The following EDA variants were observed in gnomAD, a reference collection of about 807,000 sequenced individuals.
EDA encodes ectodysplasin A, also known as ectodysplasin-A.
In EDA, 2 loss-of-function variants were observed where a neutral mutation model predicts 23.6. That is an observed-to-expected ratio of 0.08 (90% CI 0.03 to 0.27). EDA has a LOEUF of 0.27. EDA is among the 10% of genes least tolerant of loss of function. EDA has a pLI of 1.00. For missense variants in EDA, 229 were observed against 324.2 expected (o/e 0.71, Z 2.26); for synonymous variants, 131 against 132.0 (o/e 0.99, Z 0.05).
At chrX:69,744,471 G>A (rs1177455708) in intron 1 of EDA, among the ~76,000 whole-genome samples, 1 of 111,996 alleles carries the variant, frequency 8.9e-6, no homozygotes, top group African/African-American at 3.2e-5. Flanking sequence ...TAAATGCAAA[G>A]CTCTACTACT....
At chrX:70,032,025 G>A (rs771427667) in intron 6 of EDA, among the ~76,000 whole-genome samples, 19 of 111,409 alleles carry the variant, frequency 1.7e-4, no homozygotes, top group African/African-American at 5.6e-4. Context: ...TTGGGAGGCC[G>A]AGGCTGGCGG....
At chrX:69,663,960 T>A (rs926915105) in intron 1 of EDA, among the ~76,000 whole-genome samples, 1 of 112,335 alleles carries the variant, frequency 8.9e-6, no homozygotes, top group African/African-American at 3.2e-5. Flanking sequence ...TTGGAATGAG[T>A]ATATTTACCC....
intron 1 of EDA, among the ~76,000 whole-genome samples, chrX:69,633,901 A>G (rs1442766681): frequency 1.8e-5 from 2 of 112,097 alleles, no homozygotes; most frequent in Admixed American, 9.4e-5. Flanking sequence ...GCTGGGTCCT[A>G]TGTTAATTCT....
intron 1 of EDA, among the ~76,000 whole-genome samples, chrX:69,721,776 T>G (rs1056250852): frequency 9.0e-6 from 1 of 111,659 alleles, no homozygotes; most frequent in Non-Finnish European, 1.9e-5. Context: ...CTAAACCAAC[T>G]CATCTTCTTG....
chrX:69,858,287 G>C (rs2017302569), intron 1 of EDA, among the ~76,000 whole-genome samples: 1 of 111,705 alleles, frequency 9.0e-6, no homozygotes, highest in Admixed American at 9.5e-5. Flanking sequence ...AGTCAAGAGA[G>C]GGCATCCTTG....
chrX:69,981,605 G>A (rs1650066316), intron 2 of EDA, among the ~76,000 whole-genome samples: 1 of 111,640 alleles, frequency 9.0e-6, no homozygotes, highest in Admixed American at 9.5e-5. Flanking sequence ...TCACGTGGGA[G>A]AAACATTAGT....
chrX:69,679,522 T>A (rs1392476082), intron 1 of EDA, among the ~76,000 whole-genome samples: 2 of 111,586 alleles, frequency 1.8e-5, no homozygotes, highest in East Asian at 5.6e-4. Context: ...TATTCAGAGA[T>A]TCAACATCTT....
intron 1 of EDA, among the ~76,000 whole-genome samples, chrX:69,846,591 G>A (rs1304890593): frequency 4.5e-5 from 5 of 111,519 alleles, no homozygotes; most frequent in Non-Finnish European, 3.8e-5. Context: ...CACCGTGCCC[G>A]GCCTGTTTGT....
intron 1 of EDA, among the ~76,000 whole-genome samples, chrX:69,844,544 T>C (rs1378383638): frequency 8.9e-6 from 1 of 112,351 alleles, no homozygotes; most frequent in Non-Finnish European, 1.9e-5. Context: ...TTGAGAAGCA[T>C]TGGAAAAAAT....
intron 1 of EDA, among the ~76,000 whole-genome samples, chrX:69,799,224 A>G (rs2147484019): frequency 8.9e-6 from 1 of 111,739 alleles, no homozygotes; most frequent in East Asian, 2.8e-4. Flanking sequence ...ACCTCAAACT[A>G]TGAAACTACT....
intron 1 of EDA, among the ~76,000 whole-genome samples, chrX:69,891,182 A>G (rs2017924253): frequency 8.9e-6 from 1 of 112,476 alleles, no homozygotes; most frequent in South Asian, 3.7e-4. Context: ...AACCATAGTG[A>G]GATACCATCT....
intron 1 of EDA, among the ~76,000 whole-genome samples, chrX:69,829,859 A>G (rs1401744533): frequency 8.9e-6 from 1 of 112,034 alleles, no homozygotes; most frequent in Non-Finnish European, 1.9e-5. Context: ...TGTGGGTGCT[A>G]TATTAACATC....
At chrX:69,660,400 G>C (rs1933447790) in intron 1 of EDA, among the ~76,000 whole-genome samples, 1 of 110,317 alleles carries the variant, frequency 9.1e-6, no homozygotes, top group Non-Finnish European at 1.9e-5. Flanking sequence ...GTGCAGGTTT[G>C]TTACATATGT....
At position 69,625,508 on chromosome X, in the gene EDA, C is replaced by A. The variant is rs181824997; in HGVS notation, c.396+8804C>A. 1.9e-3 allele frequency among the ~76,000 whole-genome samples: 210 copies of A among 110,118 alleles called. 1 individual carries two copies. Among genetic ancestry groups the A allele is most frequent in the African/African-American group, 6.7e-3 (203 of 30,266 alleles). Reference sequence around the variant, plus strand: ...TATCAATGGAACAGGACTGAGAGGTCAAAAATAAACTCTTATATTTATAAT... The same window carrying A: ...TATCAATGGAACAGGACTGAGAGGTAAAAAATAAACTCTTATATTTATAAT... On this transcript the variant is annotated intron_variant, in intron 1 of 7. Transcript: ENST00000374552.
intron 1 of EDA, among the ~76,000 whole-genome samples, chrX:69,751,862 A>T (rs2013890850): frequency 9.3e-6 from 1 of 107,779 alleles, no homozygotes; most frequent in African/African-American, 3.5e-5. Flanking sequence ...ACAGAACAGA[A>T]TCCTGTTCTG....
chrX:69,969,280 C>T (rs1257512699), intron 2 of EDA, among the ~76,000 whole-genome samples: 2 of 112,009 alleles, frequency 1.8e-5, no homozygotes, highest in African/African-American at 3.2e-5. Context: ...TGCTATGTTT[C>T]GATCCTAATC....
intron 1 of EDA, among the ~76,000 whole-genome samples, chrX:69,784,903 A>G (rs1450492259): frequency 9.0e-6 from 1 of 111,137 alleles, no homozygotes; most frequent in Admixed American, 9.6e-5. Flanking sequence ...TTTTCACGAT[A>G]TTGATTCTTC....
chrX:69,667,068 C>T (rs958006537), intron 1 of EDA, among the ~76,000 whole-genome samples: 10 of 108,878 alleles, frequency 9.2e-5, no homozygotes, highest in Non-Finnish European at 1.7e-4. Context: ...TTATCCAATT[C>T]GTTGGCATAT....
intron 1 of EDA, among the ~76,000 whole-genome samples, chrX:69,787,037 A>G (rs1462833009): frequency 9.8e-6 from 1 of 102,503 alleles, no homozygotes; most frequent in Non-Finnish European, 2.0e-5. Flanking sequence ...TCCCTTGACC[A>G]TTATGTAATG....
Sources: allele counts gnomAD v4.1 joint callset (sites outside exome capture counted in the v4.1 genomes callset), GRCh38; gene constraint gnomAD v4.1.1; transcripts MANE v1.5; gene names NCBI Gene and HGNC (gene_info 2026-07-23, HGNC 2026-07-21).